Variants in MYH16 observed in about 807,000 individuals in gnomAD.
MYH16 encodes myosin heavy chain 16.
intron 12 of MYH16, chr7:99,260,744 A>G (rs1047659086): frequency 6.3e-6 from 1 of 157,490 alleles, no homozygotes; most frequent in Non-Finnish European, 1.4e-5. Context: ...AACCACATCC[A>G]CATGGAAGGT....
intron 1 of MYH16, among the ~76,000 whole-genome samples, chr7:99,240,660 GGGCAACATAACGA>G (rs887061294): frequency 6.6e-6 from 1 of 152,106 alleles, no homozygotes; most frequent in Non-Finnish European, 1.5e-5. Context: ...AGACCAGCCT[GGGCAACATAACGA>G]GGCCCCGTTT....
At chr7:99,287,974 C>G (rs1283782477) in exon 29 of MYH16, 1 of 456,698 alleles carries the variant, frequency 2.2e-6, no homozygotes, top group East Asian at 6.9e-5. Flanking sequence ...AGCGAGGCGA[C>G]GGCCTCCACA....
chr7:99,298,448 G>T (rs1305187871), intron 36 of MYH16, among the ~76,000 whole-genome samples: 1 of 152,066 alleles, frequency 6.6e-6, no homozygotes, highest in Non-Finnish European at 1.5e-5. Flanking sequence ...GGCCAGGTTG[G>T]TCTTGAACTC....
intron 13 of MYH16, among the ~76,000 whole-genome samples, chr7:99,262,821 C>T (rs1273192469): frequency 6.6e-6 from 1 of 152,156 alleles, no homozygotes; most frequent in Admixed American, 6.6e-5. Flanking sequence ...TGATGTAAGA[C>T]AGTGTGCATG....
chr7:99,287,726 C>T (rs1792299714), intron 28 of MYH16, 166 bp from the exon 10 acceptor site: 1 of 356,766 alleles, frequency 2.8e-6, no homozygotes, highest in Non-Finnish European at 5.5e-6. Flanking sequence ...CTAAACAAAT[C>T]CTGTGGGCAA....
intron 33 of MYH16, among the ~76,000 whole-genome samples, chr7:99,294,598 T>A (rs1372912870): frequency 6.7e-6 from 1 of 149,564 alleles, no homozygotes; most frequent in Admixed American, 6.7e-5. Flanking sequence ...GGAATTTGGC[T>A]CTTGTTGCCC....
At chr7:99,280,937 C>A in exon 23 of MYH16, 2 of 427,028 alleles carry the variant, frequency 4.7e-6, no homozygotes, top group South Asian at 1.7e-5. Flanking sequence ...GACTCCATCA[C>A]CAAGCTCCAG....
chr7:99,245,864 A>G (rs1791722988), intron 2 of MYH16, among the ~76,000 whole-genome samples: 1 of 151,978 alleles, frequency 6.6e-6, no homozygotes, highest in Non-Finnish European at 1.5e-5. Flanking sequence ...ATTTCTTACA[A>G]AATTGCAATC....
At chr7:99,251,215 C>T (rs961264915) in intron 6 of MYH16, 2 of 199,306 alleles carry the variant, frequency 1.0e-5, no homozygotes, top group Non-Finnish European at 2.2e-5. Flanking sequence ...TGAGAGGCCC[C>T]CTGGCTGGTG....
intron 2 of MYH16, among the ~76,000 whole-genome samples, chr7:99,244,867 C>T (rs1791709887): frequency 6.6e-6 from 1 of 152,220 alleles, no homozygotes; most frequent in Admixed American, 6.5e-5. Flanking sequence ...CCCGCAAGCC[C>T]TTGTTCCTCC....
chr7:99,283,632 T>A (rs922758440), exon 24 of MYH16: 1 of 456,634 alleles, frequency 2.2e-6, no homozygotes, highest in South Asian at 1.5e-5. Context: ...AACAGCAAGC[T>A]GAGCACGCAG....
At chr7:99,246,781 G>T (rs1373546307) in intron 2 of MYH16, among the ~76,000 whole-genome samples, 1 of 151,888 alleles carries the variant, frequency 6.6e-6, no homozygotes, top group Admixed American at 6.6e-5. Flanking sequence ...GAGGGTGGGG[G>T]TGGGCATGGA....
chr7:99,272,323 G>C (rs1481558849), intron 19 of MYH16, among the ~76,000 whole-genome samples: 1 of 152,198 alleles, frequency 6.6e-6, no homozygotes, highest in Non-Finnish European at 1.5e-5. Context: ...TGAGGTCTGA[G>C]AGGTTAAGGA....
intron 17 of MYH16, chr7:99,265,813 A>G (rs1269762314): frequency 1.3e-5 from 2 of 152,608 alleles, no homozygotes; most frequent in Non-Finnish European, 2.9e-5. Context: ...TCACTACCTT[A>G]GTACACACTG....
chr7:99,295,834 T>TG (rs1447555861), intron 33 of MYH16, among the ~76,000 whole-genome samples: 4 of 95,504 alleles, frequency 4.2e-5, no homozygotes, highest in African/African-American at 1.7e-4. Flanking sequence ...CCTCATCTCT[T>TG]GGAAAAAAAA....
At chr7:99,255,066 C>T (rs1780698555) in intron 8 of MYH16, among the ~76,000 whole-genome samples, 1 of 152,062 alleles carries the variant, frequency 6.6e-6, no homozygotes, top group African/African-American at 2.4e-5. Context: ...GTCAGGAGTT[C>T]GAAACCAGCC....
At chr7:99,270,314 G>GA (rs200597541) in intron 18 of MYH16, among the ~76,000 whole-genome samples, 5,925 of 143,498 alleles carry the variant, frequency 0.041, 144 homozygotes, top group Middle Eastern at 0.1. Context: ...CCTCATCTCA[G>GA]AAAAAAAAAT....
intron 21 of MYH16, among the ~76,000 whole-genome samples, chr7:99,277,974 A>C (rs772749159): frequency 2.3e-4 from 34 of 147,156 alleles, no homozygotes; most frequent in Non-Finnish European, 3.7e-4. Context: ...AGACAGACAG[A>C]CAGCGACATG....
intron 13 of MYH16, among the ~76,000 whole-genome samples, chr7:99,262,390 G>T (rs1406739924): frequency 6.6e-6 from 1 of 152,196 alleles, no homozygotes; most frequent in African/African-American, 2.4e-5. Context: ...AATGCCAATT[G>T]CTTGTAAAAT....
Sources: allele counts gnomAD v4.1 joint callset (sites outside exome capture counted in the v4.1 genomes callset), GRCh38; gene constraint gnomAD v4.1.1; transcripts MANE v1.5; gene names NCBI Gene and HGNC (gene_info 2026-07-23, HGNC 2026-07-21).